The following UHRF2 variants were observed in gnomAD, a reference collection of about 807,000 sequenced individuals.
The protein encoded by UHRF2 is E3 ubiquitin-protein ligase UHRF2.
UHRF2 carries 23 observed loss-of-function variants against 96.8 expected under a neutral mutation model. That is an observed-to-expected ratio of 0.24 (90% CI 0.17 to 0.34). The LOEUF is 0.34. Among genes scored for constraint, UHRF2 ranks in the 10% least tolerant of loss-of-function variants. The pLI, the probability that UHRF2 is intolerant of heterozygous loss-of-function variation, is 1.00. For missense variants in UHRF2, 685 were observed against 981.5 expected (o/e 0.70, Z 4.04); for synonymous variants, 385 against 332.6 (o/e 1.16, Z -1.72).
chr9:6,437,204 C>T (rs960547355), intron 3 of UHRF2, among the ~76,000 whole-genome samples: 5 of 152,112 alleles, frequency 3.3e-5, no homozygotes, highest in Admixed American at 3.3e-4. Flanking sequence ...CTGGTATAGC[C>T]TAACAGTAGT....
intron 8 of UHRF2, among the ~76,000 whole-genome samples, chr9:6,485,332 A>G (rs192762451): frequency 9.2e-5 from 14 of 152,094 alleles, no homozygotes; most frequent in Admixed American, 2.6e-4. Context: ...CTTTTTTCGT[A>G]TACCTGTCTG....
chr9:6,480,727 C>G (rs1044541131), intron 6 of UHRF2, among the ~76,000 whole-genome samples: 3 of 152,052 alleles, frequency 2.0e-5, no homozygotes, highest in Admixed American at 1.3e-4. Flanking sequence ...TTTTTGGAAG[C>G]CTTCCTGATT....
chr9:6,439,907 G>A (rs1356767951), intron 3 of UHRF2, among the ~76,000 whole-genome samples: 1 of 152,060 alleles, frequency 6.6e-6, no homozygotes, highest in Non-Finnish European at 1.5e-5. Flanking sequence ...AAATGTTAAG[G>A]TAATAGAGGC....
intron 15 of UHRF2, among the ~76,000 whole-genome samples, chr9:6,505,219 T>G (rs1816519313): frequency 6.6e-6 from 1 of 152,200 alleles, no homozygotes; most frequent in Non-Finnish European, 1.5e-5. Context: ...CATACGAGTT[T>G]GTGCCTGATC....
intron 8 of UHRF2, 79 bp from the exon 9 acceptor site, chr9:6,486,742 A>T: frequency 7.1e-7 from 1 of 1,405,046 alleles, no homozygotes; most frequent in African/African-American, 1.4e-5. Flanking sequence ...TTAGGTACCA[A>T]GAATATATAT....
chr9:6,500,137 T>A (rs535626214), intron 13 of UHRF2, among the ~76,000 whole-genome samples: 7 of 152,034 alleles, frequency 4.6e-5, no homozygotes, highest in African/African-American at 1.4e-4. Flanking sequence ...CTGGCTAATT[T>A]TTGTATCTTT....
intron 4 of UHRF2, among the ~76,000 whole-genome samples, chr9:6,473,924 C>T (rs752904663): frequency 3.3e-5 from 5 of 152,204 alleles, no homozygotes; most frequent in African/African-American, 4.8e-5. Flanking sequence ...AAAATCAACA[C>T]TGTGAGAAAC....
intron 4 of UHRF2, among the ~76,000 whole-genome samples, chr9:6,465,077 A>G (rs540868065): frequency 6.6e-6 from 1 of 152,000 alleles, no homozygotes; most frequent in Admixed American, 6.6e-5. Context: ...TCTTGTCCTT[A>G]TTCACCAGTT....
intron 3 of UHRF2, among the ~76,000 whole-genome samples, chr9:6,435,654 T>A (rs1157313664): frequency 1.3e-5 from 2 of 152,200 alleles, no homozygotes; most frequent in Non-Finnish European, 2.9e-5. Flanking sequence ...TCACCCAGGC[T>A]GGAGTTCAGT....
rs76810931 is a variant in UHRF2, at chr9:6,440,293, A to G, written c.644+6120A>G. 1.4e-3 allele frequency among the ~76,000 whole-genome samples: 219 copies of G among 152,334 alleles called. 2 individuals are homozygous for G. Among genetic ancestry groups the G allele is most frequent in the African/African-American group, 5.0e-3 (208 of 41,584 alleles). ...TTGTCTTATGTGCCGGACTCTGAGC[A>G]TAACTTCTTACACAGATGCTATGTA... On this transcript the variant is annotated intron_variant, in intron 3 of 15. Transcript: ENST00000276893.
intron 2 of UHRF2, among the ~76,000 whole-genome samples, chr9:6,421,408 TTTTG>T (rs1013436205): frequency 1.8e-4 from 28 of 152,028 alleles, no homozygotes; most frequent in Admixed American, 3.3e-4. Flanking sequence ...TTAAAATACT[TTTTG>T]TTTGTTTGTT....
chr9:6,444,052 T>G (rs963620109), intron 3 of UHRF2, among the ~76,000 whole-genome samples: 5 of 152,242 alleles, frequency 3.3e-5, no homozygotes, highest in African/African-American at 1.2e-4. Flanking sequence ...TATATTGATG[T>G]AGTGATCTTT....
chr9:6,505,990 C>G, intron 15 of UHRF2, 43 bp from the exon 16 acceptor site: 4 of 1,609,700 alleles, frequency 2.5e-6, no homozygotes, highest in Non-Finnish European at 3.4e-6. Context: ...TACTTACATG[C>G]TTTATGCTCA....
intron 3 of UHRF2, among the ~76,000 whole-genome samples, chr9:6,438,238 A>C (rs1028989413): frequency 5.3e-5 from 8 of 152,218 alleles, no homozygotes; most frequent in African/African-American, 1.9e-4. Context: ...AAGATGGAGA[A>C]TGGTCTGCCT....
At chr9:6,432,771 C>G (rs138889673) in intron 2 of UHRF2, among the ~76,000 whole-genome samples, 1 of 151,756 alleles carries the variant, frequency 6.6e-6, no homozygotes, top group Non-Finnish European at 1.5e-5. Flanking sequence ...TCATTTTTTC[C>G]TTTTTAAGGG....
At chr9:6,492,451 G>C (rs1034912559) in intron 9 of UHRF2, 1 of 758,734 alleles carries the variant, frequency 1.3e-6, no homozygotes, top group African/African-American at 1.9e-5. Context: ...TAAAGATTAA[G>C]TTTCGTAATA....
chr9:6,481,508 A>G (rs925083739), intron 6 of UHRF2, 135 bp from the exon 7 acceptor site: 58 of 941,570 alleles, frequency 6.2e-5, no homozygotes, highest in Non-Finnish European at 8.6e-5. Context: ...TAGTATTTTA[A>G]TGCCAGTTAA....
At chr9:6,480,678 C>A (rs993019037) in intron 6 of UHRF2, among the ~76,000 whole-genome samples, 3 of 152,114 alleles carry the variant, frequency 2.0e-5, no homozygotes, top group Non-Finnish European at 4.4e-5. Flanking sequence ...TAAAGATGAG[C>A]CCATCAGATA....
At chr9:6,447,439 G>A (rs7861073) in intron 3 of UHRF2, among the ~76,000 whole-genome samples, 36,578 of 151,970 alleles carry the variant, frequency 0.24, 4,693 homozygotes, top group African/African-American at 0.31. Context: ...TGCATACCTA[G>A]CTTTGAGAGT....
Sources: gnomAD v4.1 joint callset for allele counts (sites outside exome capture counted in the v4.1 genomes callset) on GRCh38, gnomAD v4.1.1 for gene constraint, MANE v1.5 for transcripts, NCBI Gene and HGNC (gene_info 2026-07-23, HGNC 2026-07-21) for gene names.